Variants in KPNA7 observed in about 807,000 individuals in gnomAD.
KPNA7 encodes the protein karyopherin subunit alpha 7.
Under a neutral mutation model 53.7 loss-of-function variants are expected in KPNA7, and 54 were observed. The observed-to-expected ratio is 1.01, with a 90% CI of 0.81 to 1.26. The LOEUF (loss-of-function observed/expected upper bound fraction) is 1.26. Ranked by LOEUF, KPNA7 falls within the 50% of genes most tolerant of loss-of-function variation. The pLI is 0.00. For synonymous variants in KPNA7, 276 were observed against 259.3 expected (o/e 1.06, Z -0.62); for missense variants, 640 against 644.5 (o/e 0.99, Z 0.07).
chr7:99,190,528 G>A (rs570909165), intron 6 of KPNA7, among the ~76,000 whole-genome samples: 3 of 152,228 alleles, frequency 2.0e-5, no homozygotes, highest in South Asian at 2.1e-4. Context: ...CTAGGTCAGG[G>A]GTTGAAAACT....
intron 6 of KPNA7, among the ~76,000 whole-genome samples, chr7:99,192,418 ATTAGT>A (rs1416617587): frequency 6.6e-6 from 1 of 152,062 alleles, no homozygotes; most frequent in African/African-American, 2.4e-5. Context: ...CCTTGCTATT[ATTAGT>A]TTATTTAGAG....
chr7:99,147,294 A>C, the KPNA7 span, among the ~76,000 whole-genome samples: 1 of 152,206 alleles, frequency 6.6e-6, no homozygotes, highest in South Asian at 2.1e-4. Flanking sequence ...AAATGGAGAC[A>C]TCTCGAGTCA....
chr7:99,204,526 G>C (rs968224335), intron 2 of KPNA7, among the ~76,000 whole-genome samples: 2 of 152,130 alleles, frequency 1.3e-5, no homozygotes, highest in African/African-American at 4.8e-5. Context: ...CAATTATAAA[G>C]AAGTCACCAT....
At chr7:99,212,353 C>T (rs1352310269), upstream of KPNA7, among the ~76,000 whole-genome samples, 1 of 149,446 alleles carries the variant, frequency 6.7e-6, no homozygotes, top group African/African-American at 2.5e-5. Context: ...AAGCAATTCT[C>T]CTGCCTCAGC....
chr7:99,212,261 T>G (rs971423666), upstream of KPNA7, among the ~76,000 whole-genome samples: 7 of 77,858 alleles, frequency 9.0e-5, no homozygotes, highest in African/African-American at 3.1e-4. Flanking sequence ...TTTTTTTTTT[T>G]GAGACAGAGT....
intron 7 of KPNA7, among the ~76,000 whole-genome samples, chr7:99,187,398 GTTT>G (rs796786120): frequency 3.7e-4 from 55 of 149,680 alleles, no homozygotes; most frequent in African/African-American, 1.2e-3. Flanking sequence ...ATAATGGGTT[GTTT>G]TTTTTTTTAA....
At chr7:99,172,634 A>G (rs1798789672), downstream of KPNA7, among the ~76,000 whole-genome samples, 3 of 152,234 alleles carry the variant, frequency 2.0e-5, no homozygotes, top group South Asian at 6.2e-4. Context: ...TCTAGGAAGA[A>G]TAAGAGAGAT....
At chr7:99,185,242 T>G in intron 7 of KPNA7, 80 bp from the exon 8 acceptor site, 1 of 965,962 alleles carries the variant, frequency 1.0e-6, no homozygotes, top group Non-Finnish European at 1.6e-6. Flanking sequence ...TTCTGTTCTC[T>G]CCCAAACATT....
chr7:99,146,059 T>A, the KPNA7 span, among the ~76,000 whole-genome samples: 366 of 152,314 alleles, frequency 2.4e-3, no homozygotes, highest in Admixed American at 4.8e-3. Context: ...CAGTCTCTAA[T>A]GCTCCCAAGT....
chr7:99,197,679 A>C (rs183640272), intron 3 of KPNA7, among the ~76,000 whole-genome samples: 105 of 152,352 alleles, frequency 6.9e-4, no homozygotes, highest in African/African-American at 2.4e-3. Flanking sequence ...GAATACAATA[A>C]CTGAAACAAA....
chr7:99,199,065 G>GAAAAAAAAAAAAA (rs67877761), intron 3 of KPNA7, among the ~76,000 whole-genome samples: 8 of 61,134 alleles, frequency 1.3e-4, no homozygotes, highest in East Asian at 5.8e-4. Flanking sequence ...GCTGCAAACT[G>GAAAAAAAAAAAAA]AAAAAAAAAA....
the KPNA7 span, among the ~76,000 whole-genome samples, chr7:99,163,820 G>A: frequency 2.0e-5 from 3 of 151,886 alleles, no homozygotes; most frequent in South Asian, 2.1e-4. Context: ...CTCGAGTTAC[G>A]GTATCATTTT....
chr7:99,182,325 G>A (rs1273273220), intron 8 of KPNA7, among the ~76,000 whole-genome samples: 2 of 152,162 alleles, frequency 1.3e-5, no homozygotes, highest in African/African-American at 2.4e-5. Context: ...AGCCTCCTGA[G>A]TAGCTGGGAC....
At chr7:99,206,174 T>C (rs1790804935) in intron 2 of KPNA7, among the ~76,000 whole-genome samples, 1 of 152,100 alleles carries the variant, frequency 6.6e-6, no homozygotes, top group South Asian at 2.1e-4. Flanking sequence ...GGTTTTTTAT[T>C]TTTTTCAGAC....
At chr7:99,186,775 T>A (rs1327258831) in intron 7 of KPNA7, among the ~76,000 whole-genome samples, 1 of 151,958 alleles carries the variant, frequency 6.6e-6, no homozygotes, top group Non-Finnish European at 1.5e-5. Flanking sequence ...AAATGGCTTG[T>A]CTTATCTCAT....
At chr7:99,158,495 ACTAT>A in the KPNA7 span, among the ~76,000 whole-genome samples, 2 of 151,902 alleles carry the variant, frequency 1.3e-5, no homozygotes, top group South Asian at 2.1e-4. Flanking sequence ...TTTCATTTGT[ACTAT>A]CTTTTTATTA....
At chr7:99,180,273 G>A (rs150311472) in intron 9 of KPNA7, among the ~76,000 whole-genome samples, 1,750 of 152,212 alleles carry the variant, frequency 0.011, 34 homozygotes, top group African/African-American at 0.04. Context: ...AGGCTGAGGC[G>A]GGAGGATGAC....
At chr7:99,177,859 C>A (rs943526866) in intron 10 of KPNA7, 61 bp downstream of exon 10, 24 of 1,449,022 alleles carry the variant, frequency 1.7e-5, no homozygotes, top group Middle Eastern at 3.7e-4. Context: ...GCAGGGTGAC[C>A]CTCTGCAGAG....
At chr7:99,162,037 A>ATTT in the KPNA7 span, among the ~76,000 whole-genome samples, 142 of 106,896 alleles carry the variant, frequency 1.3e-3, no homozygotes, top group East Asian at 8.1e-3. Context: ...CAAGATTGCA[A>ATTT]TTTTTTTTTT....
Sources: gnomAD v4.1 joint callset for allele counts (sites outside exome capture counted in the v4.1 genomes callset) on GRCh38, gnomAD v4.1.1 for gene constraint, MANE v1.5 for transcripts, NCBI Gene and HGNC (gene_info 2026-07-23, HGNC 2026-07-21) for gene names.